KCND2: variants seen among roughly 807,000 people sequenced by gnomAD.
KCND2 encodes the protein A-type voltage-gated potassium channel KCND2.
Under a neutral mutation model 54.4 loss-of-function variants are expected in KCND2, and 16 were observed. That is an observed-to-expected ratio of 0.29 (90% CI 0.20 to 0.45). The LOEUF (loss-of-function observed/expected upper bound fraction) is 0.45. KCND2 is among the 20% of genes least tolerant of loss of function. KCND2 has a pLI of 1.00. For synonymous variants in KCND2, 317 were observed against 310.7 expected (o/e 1.02, Z -0.21); for missense variants, 486 against 824.2 (o/e 0.59, Z 5.02).
At chr7:120,723,773 TA>T (rs1292591469) in intron 1 of KCND2, among the ~76,000 whole-genome samples, 2 of 152,204 alleles carry the variant, frequency 1.3e-5, no homozygotes, top group Non-Finnish European at 2.9e-5. Context: ...GCCAGATTTA[TA>T]GATTCATGTT....
At chr7:120,360,570 A>G (rs1335302697) in intron 1 of KCND2, among the ~76,000 whole-genome samples, 1 of 152,122 alleles carries the variant, frequency 6.6e-6, no homozygotes, top group Non-Finnish European at 1.5e-5. Context: ...GTGGCTCTGT[A>G]ATACTTACTT....
intron 1 of KCND2, among the ~76,000 whole-genome samples, chr7:120,668,325 T>C (rs998608536): frequency 6.6e-6 from 1 of 151,966 alleles, no homozygotes; most frequent in Admixed American, 6.6e-5. Flanking sequence ...TTGAACAAAA[T>C]TAAAACACAT....
chr7:120,470,719 AG>A (rs1397499489), intron 1 of KCND2, among the ~76,000 whole-genome samples: 6 of 152,100 alleles, frequency 3.9e-5, no homozygotes, highest in Non-Finnish European at 8.8e-5. Flanking sequence ...GAAAAGGCAT[AG>A]AACAGGAATT....
At chr7:120,353,806 T>C (rs1800451269) in intron 1 of KCND2, among the ~76,000 whole-genome samples, 1 of 152,184 alleles carries the variant, frequency 6.6e-6, no homozygotes, top group South Asian at 2.1e-4. Context: ...CTATTGATAT[T>C]TGTAGTGATG....
chr7:120,514,606 T>C (rs575608346), intron 1 of KCND2, among the ~76,000 whole-genome samples: 31 of 152,260 alleles, frequency 2.0e-4, no homozygotes, highest in African/African-American at 7.0e-4. Context: ...TGTTTGTTTT[T>C]TTACTGATTT....
chr7:120,642,022 A>G (rs1032287283), intron 1 of KCND2, among the ~76,000 whole-genome samples: 3 of 152,070 alleles, frequency 2.0e-5, no homozygotes, highest in African/African-American at 4.8e-5. Context: ...TAACAAAAAT[A>G]TTACTGAATA....
At chr7:120,296,348 A>C (rs1799514091) in intron 1 of KCND2, among the ~76,000 whole-genome samples, 1 of 152,086 alleles carries the variant, frequency 6.6e-6, no homozygotes, top group South Asian at 2.1e-4. Flanking sequence ...AAAGTTTCTA[A>C]GTACTGGATC....
chr7:120,713,718 T>G (rs963073652), intron 1 of KCND2, among the ~76,000 whole-genome samples: 1 of 152,154 alleles, frequency 6.6e-6, no homozygotes, highest in Admixed American at 6.6e-5. Flanking sequence ...TTGTATCAGA[T>G]TTTTCCTGAA....
chr7:120,514,279 C>G (rs1036154463), intron 1 of KCND2, among the ~76,000 whole-genome samples: 5 of 151,990 alleles, frequency 3.3e-5, no homozygotes, highest in African/African-American at 1.2e-4. Context: ...ACCAAAAACT[C>G]AAAAGACAGT....
chr7:120,682,945 T>C (rs1340809977), intron 1 of KCND2, among the ~76,000 whole-genome samples: 1 of 152,124 alleles, frequency 6.6e-6, no homozygotes, highest in African/African-American at 2.4e-5. Flanking sequence ...CACATGTTCA[T>C]AGAACAACTT....
intron 1 of KCND2, among the ~76,000 whole-genome samples, chr7:120,496,808 A>G (rs181434127): frequency 1.3e-5 from 2 of 152,128 alleles, no homozygotes; most frequent in Admixed American, 6.6e-5. Context: ...TAAGTATTAT[A>G]CTCCAGTTTG....
At chr7:120,584,011 A>G (rs898518014) in intron 1 of KCND2, among the ~76,000 whole-genome samples, 5 of 152,242 alleles carry the variant, frequency 3.3e-5, no homozygotes, top group Admixed American at 6.5e-5. Context: ...TTCAGTGAAG[A>G]AAAGGAAGTA....
At chr7:120,588,906 T>C (rs1194523933) in intron 1 of KCND2, among the ~76,000 whole-genome samples, 1 of 152,204 alleles carries the variant, frequency 6.6e-6, no homozygotes, top group Non-Finnish European at 1.5e-5. Context: ...CATATAGCCA[T>C]GTCTTGAGGT....
intron 1 of KCND2, among the ~76,000 whole-genome samples, chr7:120,294,627 A>T (rs1184971457): frequency 6.6e-6 from 1 of 151,856 alleles, no homozygotes; most frequent in African/African-American, 2.4e-5. Context: ...GCACCTTAGA[A>T]TGGTTTCAGA....
At chr7:120,358,916 G>T (rs772797694) in intron 1 of KCND2, among the ~76,000 whole-genome samples, 2 of 152,094 alleles carry the variant, frequency 1.3e-5, no homozygotes, top group African/African-American at 2.4e-5. Flanking sequence ...GCTTAGCATT[G>T]CATTGTGCAC....
At chr7:120,365,973 T>C (rs959795906) in intron 1 of KCND2, among the ~76,000 whole-genome samples, 4 of 152,090 alleles carry the variant, frequency 2.6e-5, no homozygotes, top group African/African-American at 9.7e-5. Context: ...AATGTTCAGA[T>C]TGAGAAAAAA....
Position 120,397,165 on chromosome 7 carries a change from C to T in KCND2, c.1115+121418C>T, listed in dbSNP as rs984635085. 2.6e-5 allele frequency among the ~76,000 whole-genome samples: 4 copies of T among 152,102 alleles called. No homozygotes were observed. In the East Asian group the frequency reaches 7.7e-4, roughly 29 times the overall value. On this transcript the variant is annotated intron_variant, in intron 1 of 5. Transcript: ENST00000331113. ...AGGATGAAAGAGACTATGGACCAGC[C>T]AATATGATTGTCCATTTAAACAACT... is the stretch of plus-strand genomic sequence containing the variant.
At chr7:120,320,302 A>G (rs1799876263) in intron 1 of KCND2, among the ~76,000 whole-genome samples, 1 of 152,194 alleles carries the variant, frequency 6.6e-6, no homozygotes. Flanking sequence ...TAACTTCTAT[A>G]AGAAGTGTCA....
At chr7:120,706,906 A>G (rs1210062954) in intron 1 of KCND2, among the ~76,000 whole-genome samples, 1 of 152,172 alleles carries the variant, frequency 6.6e-6, no homozygotes, top group African/African-American at 2.4e-5. Flanking sequence ...TATCTTTAGC[A>G]TAGTTGATCA....
Sources: allele counts gnomAD v4.1 joint callset (sites outside exome capture counted in the v4.1 genomes callset), GRCh38; gene constraint gnomAD v4.1.1; transcripts MANE v1.5; gene names NCBI Gene and HGNC (gene_info 2026-07-23, HGNC 2026-07-21).